The following THBS1 variants were observed in gnomAD, a reference collection of about 807,000 sequenced individuals.
The protein encoded by THBS1 is thrombospondin-1.
THBS1 carries 29 observed loss-of-function variants against 126.1 expected under a neutral mutation model. The observed-to-expected ratio is 0.23, with a 90% CI of 0.17 to 0.31. THBS1 has a LOEUF of 0.31. Ranked by LOEUF, THBS1 falls within the 10% of genes least tolerant of loss-of-function variation. The probability of loss-of-function intolerance (pLI) is 1.00; values close to 1 mark genes in which losing one functional copy is unlikely to be tolerated. For missense variants in THBS1, 1,198 were observed against 1,545.2 expected (o/e 0.78, Z 3.77); for synonymous variants, 496 against 577.8 (o/e 0.86, Z 2.03).
At chr15:39,581,801 C>A in intron 1 of THBS1, 28 bp from the exon 2 acceptor site, 1 of 1,499,892 alleles carries the variant, frequency 6.7e-7, no homozygotes, top group Non-Finnish European at 9.3e-7. Flanking sequence ...TGATCTCTGA[C>A]CCTCGGCTCT....
rs41395048 is a variant in THBS1, at chr15:39,595,940, T to A, written c.*571T>A. Reference sequence around the variant, plus strand: ...ATTGAAAGACTATTGCTGGATTTCATGATGCTGACTGGCGTTAGCTGATTA... The same window carrying A: ...ATTGAAAGACTATTGCTGGATTTCAAGATGCTGACTGGCGTTAGCTGATTA... On this transcript the variant is annotated 3_prime_UTR_variant, in exon 22 of 22. Transcript: ENST00000260356. 521 of 445,526 alleles carry A rather than the reference T, an allele frequency of 1.2e-3. 2 individuals carry two copies. Among genetic ancestry groups the A allele is most frequent in the Non-Finnish European group, 1.7e-3 (367 of 219,688 alleles). 27.6% of individuals were successfully genotyped at this position (445,526 alleles called of 1,614,324 possible).
intron 8 of THBS1, among the ~76,000 whole-genome samples, 186 bp from the exon 9 acceptor site, chr15:39,587,856 C>T (rs762054294): frequency 1.3e-4 from 20 of 152,300 alleles, no homozygotes; most frequent in Non-Finnish European, 2.5e-4. Context: ...CGAACTTATC[C>T]GTTCTCTGGT....
chr15:39,582,683 C>A lies in THBS1; in HGVS notation c.558C>A (p.Val186=). Reference sequence around the variant, plus strand: ...AGTTGGACGTCCCCATCCAAAGCGTCTTCACCAGAGACCTGGCCAGCATCG... The same window carrying A: ...AGTTGGACGTCCCCATCCAAAGCGTATTCACCAGAGACCTGGCCAGCATCG... The part of the protein sequence containing the change: ...NAELDVPIQS[V]FTRDLASIAR... The change falls in exon 3 of 22, where the codon GTC becomes GTA. Residue 186 remains valine (V), a synonymous_variant. Coordinates refer to ENST00000260356, the MANE Select transcript of THBS1 (RefSeq NM_003246.4). The A allele has an allele frequency of 6.2e-7, 1 of 1,613,646 alleles. No homozygotes were observed. The highest frequency in any genetic ancestry group is 8.5e-7 in the Non-Finnish European group (1 of 1,180,038).
In THBS1 at chr15:39,591,638, T is replaced by A; in HGVS notation, c.2532+15T>A. 6.2e-7 allele frequency: 1 copy of A among 1,602,400 alleles called. No homozygotes were observed. Among genetic ancestry groups the A allele is most frequent in the East Asian group, 2.2e-5 (1 of 44,836 alleles). ...ATCCGGATCAGGTAGGTGGATGGAC[T>A]CCTTTCAGAGTCTTTCAGTAAACTG... On this transcript the variant is annotated intron_variant, in intron 16 of 21. Transcript: ENST00000260356.
chr15:39,582,654 G>T lies in THBS1; in HGVS notation c.529G>T (p.Ala177Ser). The change falls in exon 3 of 22, where the codon GCT becomes TCT. Residue 177 changes from alanine to serine, a missense_variant. Coordinates refer to ENST00000260356, the MANE Select transcript of THBS1 (RefSeq NM_003246.4). Reference sequence around the variant, plus strand: ...CATCGACTGTGAAAAGATGGAGAATGCTGAGTTGGACGTCCCCATCCAAAG... The same window carrying T: ...CATCGACTGTGAAAAGATGGAGAATTCTGAGTTGGACGTCCCCATCCAAAG... ...LYIDCEKMEN[A>S]ELDVPIQSVF... is the part of the protein sequence containing the mutation. 6.2e-7 allele frequency: 1 copy of T among 1,613,828 alleles called. No individual in the cohort carries two copies. The highest frequency in any genetic ancestry group is 1.7e-5 in the Admixed American group (1 of 60,034).
chr15:39,591,048 T>C, intron 14 of THBS1, 143 bp from the exon 15 acceptor site: 1 of 934,928 alleles, frequency 1.1e-6, no homozygotes. Context: ...GTGATCGTTT[T>C]ACACTGAGTG....
chr15:39,581,698 T>G (rs1890109839), intron 1 of THBS1, 131 bp from the exon 2 acceptor site: 2 of 551,648 alleles, frequency 3.6e-6, no homozygotes, highest in South Asian at 4.9e-5. Flanking sequence ...CCTGTTGTCC[T>G]TCATTTCAGC....
chr15:39,591,886 G>A (rs751221074), intron 16 of THBS1, among the ~76,000 whole-genome samples: 15 of 152,114 alleles, frequency 9.9e-5, no homozygotes, highest in Non-Finnish European at 1.9e-4. Flanking sequence ...GCTCAGCATC[G>A]TCTACCATTG....
intron 7 of THBS1, among the ~76,000 whole-genome samples, chr15:39,586,156 A>AC (rs1890204260): frequency 6.6e-6 from 1 of 152,222 alleles, no homozygotes; most frequent in Non-Finnish European, 1.5e-5. Flanking sequence ...ACAAGTTATA[A>AC]AAGTGATTCA....
rs991635572 is a variant in THBS1, at chr15:39,599,285, C to T, written c.*3916C>T. 3.3e-5 allele frequency: 5 copies of T among 152,132 alleles called. No homozygotes were observed. The highest frequency in any genetic ancestry group is 1.2e-4 in the African/African-American group (5 of 41,412). 9.4% of individuals were successfully genotyped at this position (152,132 alleles called of 1,614,324 possible). ...TAGTTACCAGTCCTTGTTAGAGTTA[C>T]CTTCAGTTGACATGCTGTGAATGGT... On this transcript the variant is annotated 3_prime_UTR_variant, in exon 22 of 22. Transcript: ENST00000260356.
rs953784030 is a variant in THBS1, at chr15:39,594,210, G to A, written c.3365+14G>A. The A allele has an allele frequency of 1.2e-6, 2 of 1,614,028 alleles. No individual in the cohort carries two copies. Among genetic ancestry groups the A allele is most frequent in the Non-Finnish European group, 1.7e-6 (2 of 1,179,936 alleles). ...GGGTTTCATTAGGTACGATCATACTGATTCACTTTCACTTACAGTCACACT... is the reference window on the plus strand; with the variant it reads ...GGGTTTCATTAGGTACGATCATACTAATTCACTTTCACTTACAGTCACACT... On this transcript the variant is annotated intron_variant, in intron 20 of 21. Coordinates refer to ENST00000260356, the MANE Select transcript of THBS1 (RefSeq NM_003246.4). The surrounding 1 kb of genome is among the most constrained non-coding windows in gnomAD (Gnocchi z 4.4).
intron 7 of THBS1, 29 bp downstream of exon 7, chr15:39,585,592 T>A (rs1201990002): frequency 2.5e-6 from 4 of 1,602,330 alleles, no homozygotes; most frequent in Non-Finnish European, 3.4e-6. Flanking sequence ...ATAGCTATTC[T>A]TCAGTGACTA....
At position 39,593,286 on chromosome 15, in the gene THBS1, T is replaced by A; in HGVS notation, c.2995+59T>A. On this transcript the variant is annotated intron_variant, in intron 18 of 21. Transcript: ENST00000260356. The surrounding 1 kb of genome is among the most constrained non-coding windows in gnomAD (Gnocchi z 5.9). ...ATGCATACATGGGGAAAAACAAATATAAAACCTGGCAGTTGTACCTATCCC... is the reference window on the plus strand; with the variant it reads ...ATGCATACATGGGGAAAAACAAATAAAAAACCTGGCAGTTGTACCTATCCC... The A allele has an allele frequency of 6.2e-7, 1 of 1,611,446 alleles. No homozygotes were observed. Among genetic ancestry groups the A allele is most frequent in the Non-Finnish European group, 8.5e-7 (1 of 1,177,692 alleles).
intron 7 of THBS1, chr15:39,586,665 A>G (rs1188001739): frequency 6.6e-6 from 1 of 152,250 alleles, no homozygotes; most frequent in Non-Finnish European, 1.5e-5. Context: ...CTCATCTGTC[A>G]AACACATGGT....
In THBS1 at chr15:39,591,498, T is replaced by G. The variant is rs771675364; in HGVS notation, c.2414-7T>G. On this transcript the variant is annotated splice_polypyrimidine_tract_variant and splice_region_variant and intron_variant, in intron 15 of 21. Transcript: ENST00000260356. ...CCCAGCTCTTATTTGTCCCTTGTTCTCTTCAGGTATCCTCAATGAACGGGA... is the reference window on the plus strand; with the variant it reads ...CCCAGCTCTTATTTGTCCCTTGTTCGCTTCAGGTATCCTCAATGAACGGGA... 41 of 1,613,994 alleles carry G rather than the reference T, an allele frequency of 2.5e-5. 2 individuals carry two copies. In the Middle Eastern group the frequency reaches 6.6e-4, roughly 26 times the overall value.
At position 39,591,243 on chromosome 15, in the gene THBS1, A is replaced by T; in HGVS notation, c.2306A>T (p.Asp769Val). The change falls in exon 15 of 22, where the codon GAT (aspartate) becomes GTT (valine). Residue 769 changes from aspartate to valine, a missense_variant. Physicochemically the swap from Asp to Val is radical, Grantham distance 152 (BLOSUM62 -3). Transcript: ENST00000260356. The part of the protein sequence containing the change: ...NPAQYDYDRD[D>V]VGDRCDNCPY... ...GCTCAGTATGACTATGACAGAGATG[A>T]TGTGGGAGACCGCTGTGACAACTGT... The T allele has an allele frequency of 6.2e-7, 1 of 1,614,212 alleles. No homozygotes were observed. The highest frequency in any genetic ancestry group is 1.3e-5 in the African/African-American group (1 of 75,042).
chr15:39,599,415 A>G lies in THBS1; in HGVS notation c.*4046A>G, dbSNP rs540440407. ...CTATGTCCCAAATATCATTGGCAGA[A>G]GCAAACTATAAAGTCATAAGCCCTT... is the stretch of plus-strand genomic sequence containing the variant. On this transcript the variant is annotated 3_prime_UTR_variant, in exon 22 of 22. Coordinates refer to ENST00000260356, the MANE Select transcript of THBS1 (RefSeq NM_003246.4). 1 of 152,316 alleles carries G rather than the reference A, an allele frequency of 6.6e-6. No individual in the cohort carries two copies. The highest frequency in any genetic ancestry group is 1.9e-4 in the East Asian group (1 of 5,186). 9.4% of individuals were successfully genotyped at this position (152,316 alleles called of 1,614,324 possible).
chr15:39,589,497 G>T lies in THBS1; in HGVS notation c.1926+143G>T. The T allele has an allele frequency of 2.6e-6, 3 of 1,163,352 alleles. No individual in the cohort carries two copies. The highest frequency in any genetic ancestry group is 2.4e-6 in the Non-Finnish European group (2 of 849,924). 72.1% of individuals were successfully genotyped at this position (1,163,352 alleles called of 1,614,324 possible). On this transcript the variant is annotated intron_variant, in intron 12 of 21. Coordinates refer to ENST00000260356, the MANE Select transcript of THBS1 (RefSeq NM_003246.4). The surrounding 1 kb of genome is among the most constrained non-coding windows in gnomAD (Gnocchi z 4.7). ...GAATGTACGGTCTAGTTTTAGAAACGTGATTAGAAAATCCATGGTAAATCC... is the reference window on the plus strand; with the variant it reads ...GAATGTACGGTCTAGTTTTAGAAACTTGATTAGAAAATCCATGGTAAATCC...
Position 39,593,043 on chromosome 15 carries a change from C to T in THBS1, c.2811C>T (p.Asp937=), listed in dbSNP as rs745678134. The T allele has an allele frequency of 1.9e-6, 3 of 1,610,686 alleles. No individual in the cohort carries two copies. The highest frequency in any genetic ancestry group is 2.5e-6 in the Non-Finnish European group (3 of 1,178,584). Residue 937 remains aspartate (D), a synonymous_variant, in exon 18 of 22, where the codon GAC becomes GAT. Coordinates refer to ENST00000260356, the MANE Select transcript of THBS1 (RefSeq NM_003246.4). The surrounding 1 kb of genome is among the most constrained non-coding windows in gnomAD (Gnocchi z 5.9). The stretch of plus-strand genomic sequence containing the variant: ...CCTGCAAAGATGATTTTGACCATGA[C>T]AGTGTGCCAGACATCGATGACATCT... ...GDACKDDFDH[D]SVPDIDDICP...
Sources: gnomAD v4.1 joint callset for allele counts (sites outside exome capture counted in the v4.1 genomes callset) on GRCh38, gnomAD v4.1.1 for gene constraint, Gnocchi (gnomAD v3.1) non-coding constraint, MANE v1.5 for transcripts, NCBI Gene and HGNC (gene_info 2026-07-23, HGNC 2026-07-21) for gene names.